Variants in PDE1C observed in about 807,000 individuals in gnomAD.
The protein encoded by PDE1C is dual specificity calcium/calmodulin-dependent 3',5'-cyclic nucleotide phosphodiesterase 1C.
In PDE1C, 62 loss-of-function variants were observed where a neutral mutation model predicts 93.1. That is an observed-to-expected ratio of 0.67 (90% CI 0.54 to 0.82). The LOEUF is 0.82. PDE1C is among the 40% of genes least tolerant of loss of function. The pLI is 0.00. For missense variants in PDE1C, 742 were observed against 884.6 expected, an observed-to-expected ratio of 0.84 and a Z score of 2.04; for synonymous variants, 325 against 310.1, an observed-to-expected ratio of 1.05 and a Z score of -0.50.
At chr7:31,703,211 A>T in the PDE1C span, among the ~76,000 whole-genome samples, 5 of 152,190 alleles carry the variant, frequency 3.3e-5, no homozygotes, top group Non-Finnish European at 7.3e-5. Flanking sequence ...TCTCTGTTCA[A>T]TCTTATATTC....
chr7:32,142,859 G>A (rs988475453), intron 3 of PDE1C, among the ~76,000 whole-genome samples: 19 of 151,192 alleles, frequency 1.3e-4, no homozygotes, highest in African/African-American at 4.6e-4. Context: ...GGGCTATCTG[G>A]CAGCTAGCCT....
chr7:32,186,105 T>TGG (rs1803846351), intron 2 of PDE1C, among the ~76,000 whole-genome samples: 4 of 131,868 alleles, frequency 3.0e-5, no homozygotes, highest in African/African-American at 5.2e-5. Flanking sequence ...TTTTTTTTTT[T>TGG]TTTTTTTTGA....
At chr7:32,237,768 T>TACAC (rs1415805492) in intron 1 of PDE1C, among the ~76,000 whole-genome samples, 10 of 10,742 alleles carry the variant, frequency 9.3e-4, no homozygotes, top group Non-Finnish European at 1.6e-3. Flanking sequence ...ATATACTTTT[T>TACAC]TTTTTTTTTT....
intron 17 of PDE1C, among the ~76,000 whole-genome samples, chr7:31,754,047 A>G (rs1318908504): frequency 1.3e-5 from 2 of 150,896 alleles, no homozygotes; most frequent in Admixed American, 1.3e-4. Context: ...AGAATTCTTA[A>G]AGCTCAAGAA....
chr7:31,812,019 T>C (rs997260610), intron 15 of PDE1C, among the ~76,000 whole-genome samples: 2 of 152,160 alleles, frequency 1.3e-5, no homozygotes, highest in Admixed American at 1.3e-4. Context: ...GGGTTGTATC[T>C]GGAGTAATGG....
chr7:31,877,851 A>G (rs1257019252), intron 5 of PDE1C, 119 bp downstream of exon 5: 1 of 636,076 alleles, frequency 1.6e-6, no homozygotes, highest in Admixed American at 3.1e-5. Context: ...TAATGAAAGA[A>G]TAAAGTCAGG....
At chr7:32,096,258 A>G (rs1489836871) in intron 3 of PDE1C, among the ~76,000 whole-genome samples, 6 of 152,308 alleles carry the variant, frequency 3.9e-5, no homozygotes, top group African/African-American at 1.4e-4. Context: ...TCATTCATTC[A>G]CTAAGCAGGC....
At chr7:32,378,520 T>TA (rs1562698162) in intron 1 of PDE1C, among the ~76,000 whole-genome samples, 1 of 152,176 alleles carries the variant, frequency 6.6e-6, no homozygotes, top group Non-Finnish European at 1.5e-5. Flanking sequence ...AAGCTAGACA[T>TA]AAATGATTAC....
intron 3 of PDE1C, among the ~76,000 whole-genome samples, chr7:32,146,087 GA>G (rs1338543580): frequency 6.6e-6 from 1 of 152,176 alleles, no homozygotes; most frequent in African/African-American, 2.4e-5. Flanking sequence ...TGGATGGACA[GA>G]TGGCTGCCGT....
At position 32,306,204 on chromosome 7, in the gene PDE1C, A is replaced by G. The variant is rs71530581; in HGVS notation, c.311-96665T>C. On this transcript the variant is annotated intron_variant, in intron 1 of 1. Coordinates refer to the PDE1C transcript ENST00000672256. ...GTGTCCGTTAAACCTCTTTTTCTTT[A>G]TAAATTACTCAGTCTTGGGTATGTC... 3.4e-3 allele frequency among the ~76,000 whole-genome samples: 516 copies of G among 152,156 alleles called. 4 individuals are homozygous for G. The highest frequency in any genetic ancestry group is 5.8e-3 in the Non-Finnish European group (393 of 68,000).
intron 14 of PDE1C, among the ~76,000 whole-genome samples, chr7:31,818,000 A>G (rs1788476959): frequency 6.6e-6 from 1 of 152,128 alleles, no homozygotes; most frequent in Non-Finnish European, 1.5e-5. Flanking sequence ...CCCTAGCCTC[A>G]TCCCCAAACA....
upstream of PDE1C, chr7:32,299,421 G>A: frequency 6.1e-6 from 6 of 985,514 alleles, no homozygotes; most frequent in Non-Finnish European, 6.0e-6. Flanking sequence ...TCCCTGCCAG[G>A]AAGGTAATTG....
intron 1 of PDE1C, among the ~76,000 whole-genome samples, chr7:32,358,291 T>C (rs1293108776): frequency 6.6e-6 from 1 of 152,222 alleles, no homozygotes; most frequent in Non-Finnish European, 1.5e-5. Context: ...GGCATGTTTG[T>C]TCTTCGGAAC....
chr7:32,167,713 G>T (rs965352134), intron 3 of PDE1C, among the ~76,000 whole-genome samples: 8 of 152,080 alleles, frequency 5.3e-5, no homozygotes. Context: ...ATCTTGTTTG[G>T]TAAGAGGTGA....
At position 32,164,410 on chromosome 7, in the gene PDE1C, C is replaced by G. The variant is rs76147539; in HGVS notation, c.308+5375G>C. On this transcript the variant is annotated intron_variant, in intron 3 of 18. Transcript: ENST00000396193. Reference sequence around the variant, plus strand: ...AAGTGCACACTCAAATTAGTATAACCAATCACACCATATCTTTTTTCACCA... The same window carrying G: ...AAGTGCACACTCAAATTAGTATAACGAATCACACCATATCTTTTTTCACCA... 6.8e-3 allele frequency among the ~76,000 whole-genome samples: 1,030 copies of G among 152,262 alleles called. 8 individuals are homozygous for G. The highest frequency in any genetic ancestry group is 0.011 in the Non-Finnish European group (740 of 68,014).
At chr7:32,315,675 C>T (rs1263146750) in intron 1 of PDE1C, among the ~76,000 whole-genome samples, 1 of 152,178 alleles carries the variant, frequency 6.6e-6, no homozygotes, top group Non-Finnish European at 1.5e-5. Flanking sequence ...ACATAGATGT[C>T]TAAATTACTT....
At chr7:31,674,745 C>A in the PDE1C span, among the ~76,000 whole-genome samples, 2 of 152,096 alleles carry the variant, frequency 1.3e-5, no homozygotes, top group African/African-American at 2.4e-5. Flanking sequence ...AAATAATATT[C>A]TTTTCTAACA....
intron 1 of PDE1C, among the ~76,000 whole-genome samples, chr7:32,258,510 A>G (rs1287709252): frequency 6.6e-6 from 1 of 152,184 alleles, no homozygotes; most frequent in Non-Finnish European, 1.5e-5. Context: ...GTGCTGAGGG[A>G]CAAGGGCAAG....
intron 1 of PDE1C, among the ~76,000 whole-genome samples, chr7:32,322,961 C>T (rs551706684): frequency 1.3e-5 from 2 of 152,038 alleles, no homozygotes; most frequent in South Asian, 4.2e-4. Context: ...GAAGGTGACA[C>T]AAAGGGTTGC....
Sources: allele counts gnomAD v4.1 joint callset (sites outside exome capture counted in the v4.1 genomes callset), GRCh38; gene constraint gnomAD v4.1.1; transcripts MANE v1.5; gene names NCBI Gene and HGNC (gene_info 2026-07-23, HGNC 2026-07-21).